Variants in RNF185 observed in about 807,000 individuals in gnomAD.
The protein encoded by RNF185 is ring finger protein 185, also known as E3 ubiquitin-protein ligase RNF185.
RNF185 carries 13 observed loss-of-function variants against 24.9 expected under a neutral mutation model. The ratio of observed to expected loss-of-function variants is 0.52; its 90% CI spans 0.34 to 0.83. The LOEUF is 0.83. Ranked by LOEUF, RNF185 falls within the 40% of genes least tolerant of loss-of-function variation. The pLI is 0.01. For synonymous variants in RNF185, 79 were observed against 90.3 expected (o/e 0.88, Z 0.71); for missense variants, 184 against 244.7 (o/e 0.75, Z 1.65).
rs2048304884 is a variant in RNF185 at position 31,205,338 on chromosome 22, T to TA, written c.*752_*753insA. The TA allele has an allele frequency of 5.9e-6, 1 of 168,480 alleles. No homozygotes were observed. The highest frequency in any genetic ancestry group is 1.5e-5 in the Non-Finnish European group (1 of 68,152). 10.4% of individuals were successfully genotyped at this position (168,480 alleles called of 1,614,324 possible). On this transcript the variant is annotated 3_prime_UTR_variant, in exon 7 of 7. Coordinates refer to ENST00000326132, the MANE Select transcript of RNF185 (RefSeq NM_152267.4). ...TTAACTCACAGGTTTCCCATCAGCT[T>TA]TCTCCCTAAAACTATGTTCATCTGC...
intron 5 of RNF185, among the ~76,000 whole-genome samples, chr22:31,197,482 G>A (rs757151994): frequency 6.6e-6 from 1 of 152,094 alleles, no homozygotes. Flanking sequence ...TCCTTTGTTA[G>A]ACATTAGCGG....
intron 5 of RNF185, among the ~76,000 whole-genome samples, chr22:31,198,704 C>CTTTTTTTTT (rs1196076379): frequency 2.9e-5 from 2 of 69,656 alleles, no homozygotes; most frequent in African/African-American, 5.2e-5. Context: ...CTGCCACTTT[C>CTTTTTTTTT]TTTTTTTTTT....
chr22:31,182,313 A>G (rs1028262658), intron 1 of RNF185, among the ~76,000 whole-genome samples: 1 of 151,846 alleles, frequency 6.6e-6, no homozygotes, highest in Non-Finnish European at 1.5e-5. Context: ...TTTTTGAGAC[A>G]GAGTCACTAT....
At chr22:31,194,103 C>T (rs140100403) in intron 3 of RNF185, among the ~76,000 whole-genome samples, 2,017 of 151,612 alleles carry the variant, frequency 0.013, 21 homozygotes, top group Middle Eastern at 0.027. Context: ...TCACCATGTT[C>T]CCCACGCTGG....
At chr22:31,174,680 C>T (rs944728614) in intron 1 of RNF185, among the ~76,000 whole-genome samples, 1 of 152,080 alleles carries the variant, frequency 6.6e-6, no homozygotes, top group Non-Finnish European at 1.5e-5. Context: ...TCTTGTCCTC[C>T]ATTTTGTCCT....
intron 1 of RNF185, among the ~76,000 whole-genome samples, chr22:31,168,123 C>T (rs1176208417): frequency 6.6e-6 from 1 of 152,230 alleles, no homozygotes; most frequent in Admixed American, 6.5e-5. Context: ...CTGCCAACCA[C>T]TATTCCACTT....
At chr22:31,194,165 T>C (rs965327043) in intron 3 of RNF185, among the ~76,000 whole-genome samples, 1 of 151,944 alleles carries the variant, frequency 6.6e-6, no homozygotes, top group African/African-American at 2.4e-5. Flanking sequence ...CCCAAAGTGC[T>C]GGGATTACAA....
chr22:31,201,737 C>T, intron 6 of RNF185, 122 bp downstream of exon 6: 1 of 723,272 alleles, frequency 1.4e-6, no homozygotes, highest in Non-Finnish European at 2.4e-6. Context: ...TCAGCCTTTT[C>T]AAAATATCTT....
At chr22:31,197,928 C>T (rs923857701) in intron 5 of RNF185, among the ~76,000 whole-genome samples, 1 of 152,110 alleles carries the variant, frequency 6.6e-6, no homozygotes, top group Admixed American at 6.5e-5. Context: ...AAAAAAATTG[C>T]ACATTTGTCT....
At chr22:31,196,354 A>C (rs1187041513) in intron 4 of RNF185, among the ~76,000 whole-genome samples, 1 of 152,114 alleles carries the variant, frequency 6.6e-6, no homozygotes, top group Non-Finnish European at 1.5e-5. Flanking sequence ...GAAACCATGA[A>C]CACTTCAAGG....
At chr22:31,165,358 A>G (rs1021150919) in intron 1 of RNF185, among the ~76,000 whole-genome samples, 1 of 152,098 alleles carries the variant, frequency 6.6e-6, no homozygotes. Flanking sequence ...TTAATGGCTG[A>G]TGATGATGAT....
At chr22:31,163,508 T>G (rs1321983487) in intron 1 of RNF185, among the ~76,000 whole-genome samples, 1 of 152,004 alleles carries the variant, frequency 6.6e-6, no homozygotes, top group Non-Finnish European at 1.5e-5. Flanking sequence ...TTAGGTTTCT[T>G]GTAGAGATGA....
chr22:31,195,726 G>C, intron 4 of RNF185, 145 bp downstream of exon 4: 1 of 619,578 alleles, frequency 1.6e-6, no homozygotes, highest in Non-Finnish European at 2.9e-6. Context: ...GAGTCAGCTA[G>C]GAGGGGAGGG....
rs1008964895 is a variant in RNF185, at chr22:31,205,525, T to C, written c.*939T>C. The C allele has an allele frequency of 2.0e-4, 30 of 152,080 alleles. No individual in the cohort carries two copies. The highest frequency in any genetic ancestry group is 2.0e-4 in the Admixed American group (3 of 15,204). The allele number at this position is 152,080 out of a possible 1,614,324, so 9.4% of individuals were successfully genotyped here. A position where few individuals can be genotyped will look rare whatever the true frequency, so the allele number is the denominator to read the frequency against. On this transcript the variant is annotated 3_prime_UTR_variant, in exon 7 of 7. Transcript: ENST00000326132. ...GTCCCCTAGGCTGCAGAAGCTTGAATGCATCCTCTCCCAGAACCTGCCACA... is the reference window on the plus strand; with the variant it reads ...GTCCCCTAGGCTGCAGAAGCTTGAACGCATCCTCTCCCAGAACCTGCCACA...
At chr22:31,182,287 TTTTA>T (rs1019491739) in intron 1 of RNF185, among the ~76,000 whole-genome samples, 4 of 151,764 alleles carry the variant, frequency 2.6e-5, no homozygotes, top group African/African-American at 9.7e-5. Flanking sequence ...AATTTTTTAT[TTTTA>T]TTTATTTATT....
At chr22:31,197,280 G>GT in intron 5 of RNF185, 1 of 259,850 alleles carries the variant, frequency 3.8e-6, no homozygotes, top group Middle Eastern at 7.1e-4. Context: ...TACAGTTTTT[G>GT]TTTTTTGTTT....
chr22:31,201,068 G>A (rs2048259004), intron 5 of RNF185, among the ~76,000 whole-genome samples: 1 of 152,158 alleles, frequency 6.6e-6, no homozygotes, highest in South Asian at 2.1e-4. Flanking sequence ...CAACATTTTT[G>A]CTATTAAAGA....
intron 5 of RNF185, 71 bp from the exon 6 acceptor site, chr22:31,201,427 T>C (rs141191852): frequency 9.6e-7 from 1 of 1,041,362 alleles, no homozygotes; most frequent in African/African-American, 1.6e-5. Flanking sequence ...ACGTGAGGTA[T>C]GTTGAGTTTT....
At chr22:31,164,667 C>T (rs1039551480) in intron 1 of RNF185, among the ~76,000 whole-genome samples, 19 of 141,790 alleles carry the variant, frequency 1.3e-4, no homozygotes, top group African/African-American at 5.0e-4. Flanking sequence ...CAGCTAACTG[C>T]AACCCCCCTC....
Sources: allele counts gnomAD v4.1 joint callset (sites outside exome capture counted in the v4.1 genomes callset), GRCh38; gene constraint gnomAD v4.1.1; transcripts MANE v1.5; gene names NCBI Gene and HGNC (gene_info 2026-07-23, HGNC 2026-07-21).